Variants in TTBK2 observed in about 807,000 individuals in gnomAD.
The protein encoded by TTBK2 is tau tubulin kinase 2, also known as tau-tubulin kinase 2.
In TTBK2, 28 loss-of-function variants were observed where a neutral mutation model predicts 110.8. The observed-to-expected ratio is 0.25, with a 90% CI of 0.19 to 0.35. The LOEUF (loss-of-function observed/expected upper bound fraction) is 0.35, where lower values mean the gene tolerates loss of function less well. Ranked by LOEUF, TTBK2 falls within the 10% of genes least tolerant of loss-of-function variation. The pLI, the probability that TTBK2 is intolerant of heterozygous loss-of-function variation, is 1.00. For missense variants in TTBK2, 1,369 were observed against 1,500.3 expected, an observed-to-expected ratio of 0.91 and a Z score of 1.45; for synonymous variants, 532 against 527.3, an observed-to-expected ratio of 1.01 and a Z score of -0.12.
rs753468702 is a variant in TTBK2, at chr15:42,827,969, A to G, written c.496T>C (p.Leu166=). ...CAGGAATTGGTAAATTGTCGAGCCA[A>G]GCCAAAATCAAGCATGTAACATTTC... ...CRKCYMLDFG[L]ARQFTNSCGD... Residue 166 remains leucine, a synonymous_variant, in exon 6 of 15, where the codon TTG becomes CTG. Coordinates refer to ENST00000267890, the MANE Select transcript of TTBK2 (RefSeq NM_173500.4). 4 of 1,613,742 alleles carry G rather than the reference A, an allele frequency of 2.5e-6. No homozygotes were observed. Among genetic ancestry groups the G allele is most frequent in the Non-Finnish European group, 3.4e-6 (4 of 1,179,822 alleles).
chr15:42,869,092 A>G (rs1192637951), intron 3 of TTBK2, among the ~76,000 whole-genome samples: 1 of 152,044 alleles, frequency 6.6e-6, no homozygotes, highest in East Asian at 1.9e-4. Flanking sequence ...CTGCAAATCT[A>G]TACTTTTTTA....
At chr15:42,837,491 C>T (rs1265972914) in intron 4 of TTBK2, among the ~76,000 whole-genome samples, 1 of 151,884 alleles carries the variant, frequency 6.6e-6, no homozygotes, top group South Asian at 2.1e-4. Context: ...AACCCAGTCT[C>T]TAATTAAAAA....
At chr15:42,917,197 C>T (rs1722936579) in intron 1 of TTBK2, among the ~76,000 whole-genome samples, 1 of 151,626 alleles carries the variant, frequency 6.6e-6, no homozygotes, top group African/African-American at 2.4e-5. Flanking sequence ...GCTATAAACA[C>T]TCCAAAACAC....
At chr15:42,808,480 T>C (rs1891573123) in intron 9 of TTBK2, among the ~76,000 whole-genome samples, 1 of 152,192 alleles carries the variant, frequency 6.6e-6, no homozygotes. Context: ...AATATGGATA[T>C]GCTTTTTGCT....
rs911472240 is a variant in TTBK2 at position 42,743,862 on chromosome 15, T to C, written c.*1933A>G. 2.0e-5 allele frequency: 3 copies of C among 152,136 alleles called. No individual in the cohort carries two copies. The highest frequency in any genetic ancestry group is 4.8e-5 in the African/African-American group (2 of 41,444). The allele number at this position is 152,136 out of a possible 1,614,324, so 9.4% of individuals were successfully genotyped here. A position where few individuals can be genotyped will look rare whatever the true frequency, so the allele number is the denominator to read the frequency against. On this transcript the variant is annotated 3_prime_UTR_variant, in exon 15 of 15. Transcript: ENST00000267890. Reference sequence around the variant, plus strand: ...AGAACATAGTTTCAGAAAATGAAGATAGGCAAGGCCCAAGTGTACATGAGG... The same window carrying C: ...AGAACATAGTTTCAGAAAATGAAGACAGGCAAGGCCCAAGTGTACATGAGG...
Position 42,753,245 on chromosome 15 carries a change from A to G in TTBK2, c.2001T>C (p.Ile667=). 1 of 1,613,968 alleles carries G rather than the reference A, an allele frequency of 6.2e-7. No homozygotes were observed. Among genetic ancestry groups the G allele is most frequent in the Non-Finnish European group, 8.5e-7 (1 of 1,179,952 alleles). The change falls in exon 14 of 15, where the codon ATT becomes ATC. Residue 667 remains isoleucine, a splice_region_variant and synonymous_variant. Transcript: ENST00000267890. ...EAQAEGPLTA[I]TIPRPSVAST... ...ATGCCACAGAAGGTCTAGGAATTGT[A>G]ATCTGGAGAAGGGGAAGAAAAAATT...
chr15:42,899,630 C>T (rs142425930), intron 1 of TTBK2, among the ~76,000 whole-genome samples: 2 of 152,176 alleles, frequency 1.3e-5, no homozygotes, highest in African/African-American at 4.8e-5. Context: ...ATCCCAGCTA[C>T]CTGGGAGGCT....
chr15:42,916,591 A>G (rs1261338889), intron 1 of TTBK2, among the ~76,000 whole-genome samples: 1 of 152,208 alleles, frequency 6.6e-6, no homozygotes, highest in Non-Finnish European at 1.5e-5. Context: ...TTGGCCTCCC[A>G]AAGTGCTAGG....
At chr15:42,747,778 T>C (rs1198160060) in intron 14 of TTBK2, among the ~76,000 whole-genome samples, 2 of 152,098 alleles carry the variant, frequency 1.3e-5, no homozygotes, top group African/African-American at 2.4e-5. Context: ...ACTATGGTAA[T>C]GGAAAGTGTA....
At chr15:42,821,453 G>A (rs1452617730) in intron 6 of TTBK2, among the ~76,000 whole-genome samples, 1 of 152,108 alleles carries the variant, frequency 6.6e-6, no homozygotes, top group Non-Finnish European at 1.5e-5. Flanking sequence ...TATGTATACA[G>A]TTCTATGAGT....
At chr15:42,780,175 A>T (rs1890119827) in intron 11 of TTBK2, among the ~76,000 whole-genome samples, 1 of 144,906 alleles carries the variant, frequency 6.9e-6, no homozygotes, top group Admixed American at 6.8e-5. Context: ...GTACGTGCCA[A>T]CATGCCCGGC....
chr15:42,763,190 ATATTTT>A (rs1567009121), intron 13 of TTBK2, among the ~76,000 whole-genome samples: 9 of 22,748 alleles, frequency 4.0e-4, no homozygotes, highest in African/African-American at 2.3e-3. Flanking sequence ...ATATATATAT[ATATTTT>A]TTTTTTTTTT....
intron 1 of TTBK2, among the ~76,000 whole-genome samples, chr15:42,915,265 C>A (rs1256545918): frequency 1.3e-5 from 2 of 152,226 alleles, no homozygotes; most frequent in African/African-American, 4.8e-5. Context: ...TCCCTTTGTC[C>A]AGCATGTATC....
intron 1 of TTBK2, among the ~76,000 whole-genome samples, chr15:42,909,693 A>C (rs964228705): frequency 2.0e-5 from 3 of 152,230 alleles, no homozygotes; most frequent in Non-Finnish European, 2.9e-5. Flanking sequence ...AACTACACTG[A>C]AAAAAATTAA....
intron 1 of TTBK2, among the ~76,000 whole-genome samples, chr15:42,897,076 G>A (rs1297297011): frequency 6.6e-6 from 1 of 151,736 alleles, no homozygotes; most frequent in Non-Finnish European, 1.5e-5. Flanking sequence ...ATAGAGTTTC[G>A]CCATGTTGGC....
intron 6 of TTBK2, among the ~76,000 whole-genome samples, chr15:42,820,322 A>G (rs567836035): frequency 5.3e-5 from 8 of 152,348 alleles, no homozygotes; most frequent in East Asian, 1.9e-4. Flanking sequence ...GTGAAGCACA[A>G]TGAAATATAA....
chr15:42,833,904 G>C (rs543488415), intron 4 of TTBK2, among the ~76,000 whole-genome samples: 2 of 152,144 alleles, frequency 1.3e-5, no homozygotes, highest in African/African-American at 4.8e-5. Flanking sequence ...CAGGCTACTC[G>C]GGAGGCTGAG....
rs1016002171 is a variant in TTBK2, at chr15:42,858,374, G to C, written c.217+14237C>G. Among the ~76,000 whole-genome samples the C allele has an allele frequency of 4.6e-5, 7 of 152,176 alleles. No individual in the cohort carries two copies. The South Asian group carries it at 1.5e-3, about 32-fold the overall frequency. On this transcript the variant is annotated intron_variant, in intron 3 of 14. Transcript: ENST00000267890. ...TATGACGTCTATAATTTATTTTAAA[G>C]TACTCCAGAAACGTGGGGAAAAAAT...
chr15:42,890,259 CT>C (rs1297149858), intron 1 of TTBK2, among the ~76,000 whole-genome samples: 1 of 152,230 alleles, frequency 6.6e-6, no homozygotes, highest in Non-Finnish European at 1.5e-5. Flanking sequence ...TGCTGACTCT[CT>C]TTTCGGACTC....
Sources: gnomAD v4.1 joint callset for allele counts (sites outside exome capture counted in the v4.1 genomes callset) on GRCh38, gnomAD v4.1.1 for gene constraint, MANE v1.5 for transcripts, NCBI Gene and HGNC (gene_info 2026-07-23, HGNC 2026-07-21) for gene names.